TPR: variants seen among roughly 807,000 people sequenced by gnomAD.
TPR encodes nucleoprotein TPR.
In TPR, 51 loss-of-function variants were observed where a neutral mutation model predicts 316.1. That is an observed-to-expected ratio of 0.16 (90% CI 0.13 to 0.20). TPR has a LOEUF of 0.20. Ranked by LOEUF, TPR falls within the 10% of genes least tolerant of loss-of-function variation. The pLI is 1.00. For missense variants in TPR, 2,272 were observed against 2,754.8 expected (o/e 0.82, Z 3.92); for synonymous variants, 981 against 914.7 (o/e 1.07, Z -1.31).
chr1:186,365,536 A>G (rs1444750819), intron 4 of TPR, among the ~76,000 whole-genome samples: 1 of 152,182 alleles, frequency 6.6e-6, no homozygotes, highest in Non-Finnish European at 1.5e-5. Flanking sequence ...CAGGAGTCAT[A>G]AGGACCTTTA....
At chr1:186,334,167 T>C (rs950813728) in intron 36 of TPR, among the ~76,000 whole-genome samples, 158 bp downstream of exon 36, 7 of 152,168 alleles carry the variant, frequency 4.6e-5, no homozygotes, top group African/African-American at 1.4e-4. Context: ...AGTGAAAATT[T>C]TGGTCCTAGA....
chr1:186,355,595 T>C (rs1339891466), intron 16 of TPR, 37 bp from the exon 17 acceptor site: 1 of 1,613,560 alleles, frequency 6.2e-7, no homozygotes, highest in Non-Finnish European at 8.5e-7. Context: ...AACACTGTGT[T>C]CTCTAAAAAC....
intron 42 of TPR, 33 bp from the exon 43 acceptor site, chr1:186,323,903 C>T (rs750479427): frequency 1.3e-6 from 2 of 1,512,224 alleles, no homozygotes; most frequent in Non-Finnish European, 1.8e-6. Flanking sequence ...TTTTGAACTG[C>T]TAAATTTACC....
chr1:186,345,009 T>C (rs1173073945), intron 24 of TPR, among the ~76,000 whole-genome samples: 1 of 152,162 alleles, frequency 6.6e-6, no homozygotes, highest in Non-Finnish European at 1.5e-5. Context: ...ATTACCAATA[T>C]GCTCAAATGT....
chr1:186,338,339 C>CT (rs1055439931), intron 30 of TPR, 96 bp from the exon 31 acceptor site: 4,542 of 943,030 alleles, frequency 4.8e-3, no homozygotes, highest in Non-Finnish European at 5.4e-3. Flanking sequence ...GCTTTAATAA[C>CT]TTTTTTTTTT....
At chr1:186,332,094 T>G (rs1433648914) in intron 38 of TPR, 101 bp downstream of exon 38, 1 of 1,275,854 alleles carries the variant, frequency 7.8e-7, no homozygotes, top group Non-Finnish European at 1.1e-6. Context: ...CCAGATAATA[T>G]ATTTTGGCCC....
intron 4 of TPR, among the ~76,000 whole-genome samples, chr1:186,364,358 G>A (rs778571415): frequency 2.0e-5 from 3 of 150,994 alleles, no homozygotes; most frequent in Non-Finnish European, 2.9e-5. Flanking sequence ...CAAGACAAAT[G>A]AATCCAGTAT....
chr1:186,360,610 A>G (rs1017741772), intron 10 of TPR, among the ~76,000 whole-genome samples, 155 bp downstream of exon 10: 5 of 152,254 alleles, frequency 3.3e-5, no homozygotes, highest in South Asian at 2.1e-4. Context: ...AGATACAGGT[A>G]AGAGTATTAA....
At chr1:186,336,207 C>T (rs1658336434) in intron 33 of TPR, among the ~76,000 whole-genome samples, 1 of 152,114 alleles carries the variant, frequency 6.6e-6, no homozygotes, top group Non-Finnish European at 1.5e-5. Context: ...CAAAGGATCT[C>T]TGTCACAAGA....
chr1:186,335,558 A>G lies in TPR; in HGVS notation c.4706-15T>C, dbSNP rs765691744. ...ATCTTTTACACCTAAAGAAGTAACC[A>G]GGCGATTATATTAATATTATAATCA... On this transcript the variant is annotated splice_polypyrimidine_tract_variant and intron_variant, in intron 33 of 50. Coordinates refer to ENST00000367478, the MANE Select transcript of TPR (RefSeq NM_003292.3). 1 of 1,554,684 alleles carries G rather than the reference A, an allele frequency of 6.4e-7. No individual in the cohort carries two copies. Among genetic ancestry groups the G allele is most frequent in the Admixed American group, 2.1e-5 (1 of 48,028 alleles).
chr1:186,363,930 A>G (rs1179956704), intron 4 of TPR, among the ~76,000 whole-genome samples: 2 of 152,144 alleles, frequency 1.3e-5, no homozygotes, highest in Admixed American at 1.3e-4. Flanking sequence ...ATTAACTGTA[A>G]TACATACTGT....
chr1:186,340,759 A>C (rs1658487456), intron 29 of TPR, among the ~76,000 whole-genome samples: 1 of 152,152 alleles, frequency 6.6e-6, no homozygotes, highest in South Asian at 2.1e-4. Flanking sequence ...GTATAAAAAT[A>C]TTTTAGAGAT....
chr1:186,341,401 A>C lies in TPR; in HGVS notation c.3751-12T>G. ...GTTTTTGCAGTTACCTAAACATTTC[A>C]AATAAATATACATACCAACATCTAA... On this transcript the variant is annotated splice_polypyrimidine_tract_variant and intron_variant, in intron 27 of 50. Coordinates refer to ENST00000367478, the MANE Select transcript of TPR (RefSeq NM_003292.3). 6.2e-7 allele frequency: 1 copy of C among 1,609,600 alleles called. No individual in the cohort carries two copies.
At chr1:186,351,922 A>T (rs1658872602) in intron 19 of TPR, 54 bp downstream of exon 19, 6 of 1,543,444 alleles carry the variant, frequency 3.9e-6, no homozygotes, top group Non-Finnish European at 5.2e-6. Context: ...GGATAAAAAA[A>T]ATCTAAATTT....
rs1658823973 is a variant in TPR at position 186,350,402 on chromosome 1, T to C, written c.2611-14A>G. ...TAAAAGTTGAACCTATAAAATACAT[T>C]AATCTTATAACATTCTTTAGGTTCC... On this transcript the variant is annotated splice_polypyrimidine_tract_variant and intron_variant, in intron 20 of 50. Transcript: ENST00000367478. The C allele has an allele frequency of 6.5e-7, 1 of 1,546,964 alleles. No homozygotes were observed. The highest frequency in any genetic ancestry group is 1.9e-4 in the Middle Eastern group (1 of 5,264).
chr1:186,340,463 C>T (rs1398347708), intron 29 of TPR, among the ~76,000 whole-genome samples: 1 of 151,680 alleles, frequency 6.6e-6, no homozygotes, highest in African/African-American at 2.4e-5. Context: ...ACAGGGTCTC[C>T]CTCTCTCACC....
At chr1:186,314,502 C>T in intron 50 of TPR, 127 bp downstream of exon 50, 1 of 619,864 alleles carries the variant, frequency 1.6e-6, no homozygotes. Flanking sequence ...ACCTGCTCAA[C>T]ATGTAATTAT....
chr1:186,339,657 T>C lies in TPR; in HGVS notation c.4136A>G (p.Lys1379Arg). The change falls in exon 30 of 51, where the codon AAA (lysine) becomes AGA (arginine). Residue 1379 changes from lysine to arginine, a missense_variant. Around this residue, in one of 10 missense-constraint regions of TPR, gnomAD observed 96 missense variants for 134.6 expected, o/e 0.71. Transcript: ENST00000367478. ...TTCCATATACCTTGCAATTTCAGCTTTAAGTCTACCAATTTCTTCTGTCAA... is the reference window on the plus strand; with the variant it reads ...TTCCATATACCTTGCAATTTCAGCTCTAAGTCTACCAATTTCTTCTGTCAA... ...QQLTEEIGRL[K>R]AEIARSNASL... 6.3e-7 allele frequency: 1 copy of C among 1,584,788 alleles called. No individual in the cohort carries two copies. Among genetic ancestry groups the C allele is most frequent in the Non-Finnish European group, 8.6e-7 (1 of 1,167,492 alleles).
Position 186,357,696 on chromosome 1 carries a change from T to C in TPR, c.1498-73A>G. On this transcript the variant is annotated intron_variant, in intron 13 of 50. Coordinates refer to ENST00000367478, the MANE Select transcript of TPR (RefSeq NM_003292.3). ...CTGGACAAGTTTAGAATGAAAGTTT[T>C]CAAATTAAAACATTACTTATAAAAC... is the stretch of plus-strand genomic sequence containing the variant. 3 of 1,347,082 alleles carry C rather than the reference T, an allele frequency of 2.2e-6. No homozygotes were observed. The South Asian group carries it at 4.2e-5, about 19-fold the overall frequency. 83.4% of individuals were successfully genotyped at this position (1,347,082 alleles called of 1,614,324 possible). A position where few individuals can be genotyped will look rare whatever the true frequency, so the allele number is the denominator to read the frequency against.
Sources: gnomAD v4.1 joint callset for allele counts (sites outside exome capture counted in the v4.1 genomes callset) on GRCh38, gnomAD v4.1.1 for gene constraint, gnomAD v4.1.1 regional missense constraint, MANE v1.5 for transcripts, NCBI Gene and HGNC (gene_info 2026-07-23, HGNC 2026-07-21) for gene names.